Variants in TACC1 observed in about 807,000 individuals in gnomAD.
TACC1 encodes transforming acidic coiled-coil containing protein 1.
Under a neutral mutation model 84.4 loss-of-function variants are expected in TACC1, and 48 were observed. The observed-to-expected ratio is 0.57, with a 90% CI of 0.45 to 0.72. The LOEUF (loss-of-function observed/expected upper bound fraction) is 0.72. Among genes scored for constraint, TACC1 ranks in the 30% least tolerant of loss-of-function variants. The pLI is 0.00. For synonymous variants in TACC1, 372 were observed against 376.3 expected (o/e 0.99, Z 0.13); for missense variants, 920 against 973.0 (o/e 0.95, Z 0.72).
chr8:38,809,216 A>G (rs1823488233), intron 2 of TACC1, among the ~76,000 whole-genome samples: 1 of 152,058 alleles, frequency 6.6e-6, no homozygotes, highest in African/African-American at 2.4e-5. Context: ...CTTGATTCCC[A>G]GCTGCTTGAC....
chr8:38,837,296 G>A (rs184552368), intron 7 of TACC1, among the ~76,000 whole-genome samples: 98 of 151,738 alleles, frequency 6.5e-4, no homozygotes, highest in South Asian at 1.5e-3. Context: ...GGTGGTGCAT[G>A]CCTGTAATCC....
chr8:38,796,276 T>C (rs1240241775), intron 2 of TACC1, among the ~76,000 whole-genome samples: 1 of 152,228 alleles, frequency 6.6e-6, no homozygotes, highest in Non-Finnish European at 1.5e-5. Context: ...GCTTTTAAGA[T>C]TGCAGATCCA....
chr8:38,788,034 C>T, intron 1 of TACC1: 1 of 441,310 alleles, frequency 2.3e-6, no homozygotes. Flanking sequence ...GACCCCCAGC[C>T]CCCGCCCCTC....
chr8:38,764,826 C>T (rs184601025), intron 3 of TACC1, among the ~76,000 whole-genome samples: 203 of 152,228 alleles, frequency 1.3e-3, no homozygotes, highest in Middle Eastern at 3.4e-3. Flanking sequence ...AGGCTGGGCA[C>T]GGTGGCTAAC....
chr8:38,851,868 A>ATT lies in TACC1; in HGVS notation c.*3845_*3846insTT, dbSNP rs1391762747. On this transcript the variant is annotated 3_prime_UTR_variant, in exon 13 of 13. Coordinates refer to ENST00000317827, the MANE Select transcript of TACC1 (RefSeq NM_006283.3). Reference sequence around the variant, plus strand: ...CCCAGAATGTCAAGCCAAAGGTCTAAGAAGTCATCTCCTTCAAATACTTTA... The same window carrying ATT: ...CCCAGAATGTCAAGCCAAAGGTCTAATTGAAGTCATCTCCTTCAAATACTTTA... 4.4e-6 allele frequency: 2 copies of ATT among 454,186 alleles called. No homozygotes were observed. Among genetic ancestry groups the ATT allele is most frequent in the African/African-American group, 4.0e-5 (2 of 50,024 alleles). 28.1% of individuals were successfully genotyped at this position (454,186 alleles called of 1,614,324 possible). A position where few individuals can be genotyped will look rare whatever the true frequency, so the allele number is the denominator to read the frequency against.
chr8:38,846,856 C>T (rs80126037), intron 12 of TACC1, 37 bp downstream of exon 12: 17,200 of 1,608,900 alleles, frequency 0.011, 121 homozygotes, highest in Non-Finnish European at 0.013. Flanking sequence ...GCCACAGAGA[C>T]GTTTGGTTTT....
At position 38,850,124 on chromosome 8, in the gene TACC1, G is replaced by A. The variant is rs374338448; in HGVS notation, c.*2101G>A. On this transcript the variant is annotated 3_prime_UTR_variant, in exon 13 of 13. Transcript: ENST00000317827. ...GAAAGTAGCTATGTGTTAAACAGAGGTGATGGCAGCCCTTCCCTAGCACAC... is the reference window on the plus strand; with the variant it reads ...GAAAGTAGCTATGTGTTAAACAGAGATGATGGCAGCCCTTCCCTAGCACAC... 2.6e-5 allele frequency: 4 copies of A among 152,692 alleles called. No individual in the cohort carries two copies. The highest frequency in any genetic ancestry group is 9.6e-5 in the African/African-American group (4 of 41,558). The allele number at this position is 152,692 out of a possible 1,614,324, so 9.5% of individuals were successfully genotyped here. A position where few individuals can be genotyped will look rare whatever the true frequency, so the allele number is the denominator to read the frequency against.
rs1045556608 is a variant in TACC1, at chr8:38,849,586, T to C, written c.*1563T>C. 2.6e-5 allele frequency: 4 copies of C among 152,258 alleles called. No individual in the cohort carries two copies. Among genetic ancestry groups the C allele is most frequent in the African/African-American group, 9.6e-5 (4 of 41,462 alleles). The allele number at this position is 152,258 out of a possible 1,614,324, so 9.4% of individuals were successfully genotyped here. ...GCCTAGTGGAGAACCTCTATAGATC[T>C]TAAAAAATGAATTATTCTTTAGCAG... On this transcript the variant is annotated 3_prime_UTR_variant, in exon 13 of 13. Transcript: ENST00000317827.
intron 2 of TACC1, among the ~76,000 whole-genome samples, chr8:38,817,932 A>C (rs1364886786): frequency 2.7e-5 from 4 of 146,122 alleles, no homozygotes; most frequent in East Asian, 2.0e-4. Context: ...AAAAAAAAAA[A>C]AAAAAAAAAA....
rs1213990431 is a variant in TACC1 at position 38,836,152 on chromosome 8, T to C, written c.1714-10T>C. On this transcript the variant is annotated splice_polypyrimidine_tract_variant and intron_variant, in intron 6 of 12. Coordinates refer to ENST00000317827, the MANE Select transcript of TACC1 (RefSeq NM_006283.3). ...AGCTGACAGATTCAGTGTAATCCCT[T>C]TCCCCACAGGGGCTGCTGGAGTCCT... The C allele has an allele frequency of 1.2e-5, 20 of 1,612,516 alleles. No homozygotes were observed. The highest frequency in any genetic ancestry group is 1.7e-5 in the Non-Finnish European group (20 of 1,179,328).
chr8:38,756,456 G>A (rs1004774807), intron 3 of TACC1, among the ~76,000 whole-genome samples: 2 of 152,116 alleles, frequency 1.3e-5, no homozygotes, highest in Non-Finnish European at 2.9e-5. Flanking sequence ...GAGGAGGTGG[G>A]TGGGAGGCAG....
At chr8:38,755,176 A>G (rs1006594784) in intron 3 of TACC1, among the ~76,000 whole-genome samples, 2 of 151,832 alleles carry the variant, frequency 1.3e-5, no homozygotes, top group Non-Finnish European at 2.9e-5. Flanking sequence ...AAAAAAAAAA[A>G]AAAAGATCTG....
chr8:38,832,274 C>T (rs1234620508), intron 6 of TACC1, among the ~76,000 whole-genome samples: 1 of 152,208 alleles, frequency 6.6e-6, no homozygotes, highest in East Asian at 1.9e-4. Flanking sequence ...CTAGAATACA[C>T]TGTTGTGTTA....
upstream of TACC1, among the ~76,000 whole-genome samples, chr8:38,783,994 CA>C (rs1816649445): frequency 6.6e-6 from 1 of 152,224 alleles, no homozygotes; most frequent in Non-Finnish European, 1.5e-5. Context: ...GATTAGACAT[CA>C]TCATGCCCTT....
At chr8:38,826,653 G>C (rs1470139229) in intron 4 of TACC1, among the ~76,000 whole-genome samples, 1 of 152,044 alleles carries the variant, frequency 6.6e-6, no homozygotes, top group Non-Finnish European at 1.5e-5. Flanking sequence ...AGAGGAAAAG[G>C]AATAACATAA....
Position 38,851,891 on chromosome 8 carries a change from TTAATA to T in TACC1, c.*3869_*3873del. 1 of 455,912 alleles carries T rather than the reference TTAATA, an allele frequency of 2.2e-6. No homozygotes were observed. The highest frequency in any genetic ancestry group is 4.4e-6 in the Non-Finnish European group (1 of 226,858). The allele number at this position is 455,912 out of a possible 1,614,324, so 28.2% of individuals were successfully genotyped here. A position where few individuals can be genotyped will look rare whatever the true frequency, so the allele number is the denominator to read the frequency against. On this transcript the variant is annotated 3_prime_UTR_variant, in exon 13 of 13. Coordinates refer to ENST00000317827, the MANE Select transcript of TACC1 (RefSeq NM_006283.3). ...TAAGAAGTCATCTCCTTCAAATACT[TTAATA>T]AAGAAGTATTTCGAGGAGATATCTG...
chr8:38,787,348 G>A lies in TACC1; in HGVS notation c.-235G>A. ...CTTCCCGGCTAGTGGAGCCCGGCGC[G>A]GGGCCCGCTGCGGCCGCACCGTGAG... On this transcript the variant is annotated 5_prime_UTR_variant, in exon 1 of 13. Transcript: ENST00000317827. 1.5e-6 allele frequency: 2 copies of A among 1,301,112 alleles called. No individual in the cohort carries two copies. The highest frequency in any genetic ancestry group is 1.9e-6 in the Non-Finnish European group (2 of 1,028,028). 80.6% of individuals were successfully genotyped at this position (1,301,112 alleles called of 1,614,324 possible). A position where few individuals can be genotyped will look rare whatever the true frequency, so the allele number is the denominator to read the frequency against.
chr8:38,843,262 T>A (rs1175429414), intron 10 of TACC1, 27 bp from the exon 11 acceptor site: 6 of 1,506,730 alleles, frequency 4.0e-6, no homozygotes, highest in Non-Finnish European at 5.4e-6. Context: ...AATGACCTGT[T>A]TATTTTCAAT....
Position 38,826,314 on chromosome 8 carries a change from G to A in TACC1, c.1453-854G>A, listed in dbSNP as rs567073593. On this transcript the variant is annotated intron_variant, in intron 4 of 12. Transcript: ENST00000317827. ...CAAGAACTATGAGAAATTTATCTTT[G>A]GTTTTCTTTAAAAAACAAAAACAAA... 3.9e-5 allele frequency among the ~76,000 whole-genome samples: 6 copies of A among 152,022 alleles called. No individual in the cohort carries two copies. In the South Asian group the frequency reaches 1.2e-3, roughly 32 times the overall value.
Sources: gnomAD v4.1 joint callset for allele counts (sites outside exome capture counted in the v4.1 genomes callset) on GRCh38, gnomAD v4.1.1 for gene constraint, MANE v1.5 for transcripts, NCBI Gene and HGNC (gene_info 2026-07-23, HGNC 2026-07-21) for gene names.